The following TNNT2 variants were observed in gnomAD, a reference collection of about 807,000 sequenced individuals.
TNNT2 encodes the protein troponin T2, cardiac type, also known as troponin T, cardiac muscle.
TNNT2 carries 34 observed loss-of-function variants against 62.4 expected under a neutral mutation model. The observed-to-expected ratio is 0.54, with a 90% CI of 0.41 to 0.72. The LOEUF is 0.72. Ranked by LOEUF, TNNT2 falls within the 30% of genes least tolerant of loss-of-function variation. The probability of loss-of-function intolerance (pLI) is 0.00; values close to 1 mark genes in which losing one functional copy is unlikely to be tolerated. For synonymous variants in TNNT2, 123 were observed against 127.2 expected, an observed-to-expected ratio of 0.97 and a Z score of 0.22; for missense variants, 275 against 381.9, an observed-to-expected ratio of 0.72 and a Z score of 2.33.
chr1:201,359,299 G>T, intron 16 of TNNT2, 44 bp from the exon 17 acceptor site: 4 of 1,600,772 alleles, frequency 2.5e-6, no homozygotes, highest in Non-Finnish European at 3.4e-6. Flanking sequence ...CACAGGCAGG[G>T]TAGTAGGTCA....
intron 9 of TNNT2, 96 bp downstream of exon 9, chr1:201,365,514 T>C: frequency 7.1e-7 from 1 of 1,415,996 alleles, no homozygotes. Context: ...ATCCCACCTA[T>C]GCTCTACCCC....
At chr1:201,372,666 T>A (rs1660822449) in intron 2 of TNNT2, among the ~76,000 whole-genome samples, 1 of 152,184 alleles carries the variant, frequency 6.6e-6, no homozygotes, top group African/African-American at 2.4e-5. Flanking sequence ...AAGAGTAAGT[T>A]CTGTGAGGGC....
chr1:201,359,076 G>A lies in TNNT2; in HGVS notation c.*134C>T, dbSNP rs1471062224. ...GGTGTGGGGGCAGGCAGGAGTGGTG[G>A]CTCCCACCTAGGCCAGCTCCCCATT... On this transcript the variant is annotated 3_prime_UTR_variant, in exon 17 of 17. Transcript: ENST00000656932. The A allele has an allele frequency of 1.8e-6, 2 of 1,126,886 alleles. No homozygotes were observed. Among genetic ancestry groups the A allele is most frequent in the East Asian group, 5.1e-5 (2 of 39,024 alleles). 69.8% of individuals were successfully genotyped at this position (1,126,886 alleles called of 1,614,324 possible). A position where few individuals can be genotyped will look rare whatever the true frequency, so the allele number is the denominator to read the frequency against.
Position 201,362,385 on chromosome 1 carries a change from C to T in TNNT2, c.609+1G>A. Reference sequence around the variant, plus strand: ...GAAGGCTTGAGGTTTTTGGTACCCACCTGGGCCTGCTAAACCGGGAAACCA... The same window carrying T: ...GAAGGCTTGAGGTTTTTGGTACCCATCTGGGCCTGCTAAACCGGGAAACCA... On this transcript the variant is annotated splice_donor_variant, in intron 13 of 16. Transcript: ENST00000656932. LOFTEE classifies it high-confidence loss of function. 6.2e-7 allele frequency: 1 copy of T among 1,613,874 alleles called. No homozygotes were observed. The highest frequency in any genetic ancestry group is 8.5e-7 in the Non-Finnish European group (1 of 1,179,952).
intron 12 of TNNT2, chr1:201,363,003 G>A (rs965889512): frequency 3.6e-6 from 2 of 555,074 alleles, no homozygotes; most frequent in Non-Finnish European, 4.6e-6. Context: ...TCTTCCAGCT[G>A]CACCCAGCCT....
intron 1 of TNNT2, among the ~76,000 whole-genome samples, chr1:201,377,021 C>G (rs549402499): frequency 6.6e-6 from 1 of 152,200 alleles, no homozygotes; most frequent in African/African-American, 2.4e-5. Flanking sequence ...ATGGAATTCC[C>G]GCGTTGGCCT....
chr1:201,365,647 G>A lies in TNNT2; in HGVS notation c.257C>T (p.Pro86Leu), dbSNP rs2102265293. The change falls in exon 9 of 17, where the codon CCT (proline) becomes CTT (leucine). Residue 86 changes from proline to leucine, a missense_variant. By Grantham distance (98) the Pro-to-Leu change is moderately conservative. Coordinates refer to ENST00000656932, the MANE Select transcript of TNNT2 (RefSeq NM_001276345.2). Reference protein sequence around the residue: ...KPRSFMPNLVPPKIPDGERVD... With the variant: ...KPRSFMPNLVLPKIPDGERVD... Reference sequence around the variant, plus strand: ...TCTCTCTCCATCGGGGATCTTGGGAGGCACCAAGTTGGGCATGAACGACCT... The same window carrying A: ...TCTCTCTCCATCGGGGATCTTGGGAAGCACCAAGTTGGGCATGAACGACCT... 1 of 1,614,066 alleles carries A rather than the reference G, an allele frequency of 6.2e-7. No homozygotes were observed. The highest frequency in any genetic ancestry group is 1.1e-5 in the South Asian group (1 of 91,018).
rs111735792 is a variant in TNNT2 at position 201,359,172 on chromosome 1, C to G, written c.*38G>C. The G allele has an allele frequency of 2.8e-5, 44 of 1,597,076 alleles. 2 individuals are homozygous for G. The African/African-American group carries it at 2.8e-4, about 10-fold the overall frequency. Reference sequence around the variant, plus strand: ...GGGGAGTGCAGGCCGGAGGCAGGTGCGAGCGAGGAGCAGATCTTTGGTGAA... The same window carrying G: ...GGGGAGTGCAGGCCGGAGGCAGGTGGGAGCGAGGAGCAGATCTTTGGTGAA... On this transcript the variant is annotated 3_prime_UTR_variant, in exon 17 of 17. Transcript: ENST00000656932.
intron 10 of TNNT2, 43 bp downstream of exon 10, chr1:201,365,148 C>T (rs575962953): frequency 1.3e-6 from 2 of 1,521,066 alleles, no homozygotes; most frequent in East Asian, 4.5e-5. Flanking sequence ...GGAGGACAGA[C>T]TGGGCCATCA....
At chr1:201,362,794 G>C (rs1461471828) in intron 12 of TNNT2, among the ~76,000 whole-genome samples, 1 of 152,198 alleles carries the variant, frequency 6.6e-6, no homozygotes, top group Non-Finnish European at 1.5e-5. Context: ...TCGAGAGTGA[G>C]TTTCCAGGAA....
At chr1:201,362,466 G>A in intron 12 of TNNT2, 72 bp from the exon 13 acceptor site, 1 of 1,569,778 alleles carries the variant, frequency 6.4e-7, no homozygotes, top group Non-Finnish European at 8.7e-7. Flanking sequence ...CAGAGAGAAG[G>A]CAGGAAGACA....
At chr1:201,365,963 A>T in intron 8 of TNNT2, 1 of 1,284,572 alleles carries the variant, frequency 7.8e-7, no homozygotes, top group Non-Finnish European at 1.0e-6. Flanking sequence ...AGGTAGAATG[A>T]CTTGCTCAAA....
intron 2 of TNNT2, 131 bp from the exon 3 acceptor site, chr1:201,372,286 G>T: frequency 7.4e-7 from 1 of 1,351,746 alleles, no homozygotes; most frequent in South Asian, 1.2e-5. Context: ...TTGCCTAGTG[G>T]AGTCCACGCT....
At chr1:201,365,940 C>G (rs1659587085) in intron 8 of TNNT2, 2 of 1,311,646 alleles carry the variant, frequency 1.5e-6, no homozygotes, top group Non-Finnish European at 2.0e-6. Flanking sequence ...CTTAGGAGAA[C>G]TGAGGCTCAG....
chr1:201,371,648 G>A (rs1660616908), intron 4 of TNNT2, among the ~76,000 whole-genome samples: 1 of 152,256 alleles, frequency 6.6e-6, no homozygotes, highest in African/African-American at 2.4e-5. Flanking sequence ...GAGGAAAGAA[G>A]ACTGGCCCTA....
In TNNT2 at chr1:201,362,318, G is replaced by A. The variant is rs374006913; in HGVS notation, c.609+68C>T. On this transcript the variant is annotated intron_variant, in intron 13 of 16. Transcript: ENST00000656932. ...CTTCACTCCTCCCCTCCAGCAAGGC[G>A]CCTTCCCCTCCCAGGGAGCTCTCCA... The A allele has an allele frequency of 6.0e-4, 962 of 1,596,964 alleles. 5 individuals carry two copies. The highest frequency in any genetic ancestry group is 3.3e-3 in the Middle Eastern group (19 of 5,752).
chr1:201,361,231 G>C (rs1192219248), intron 15 of TNNT2, 48 bp downstream of exon 15: 2 of 1,572,400 alleles, frequency 1.3e-6, no homozygotes, highest in Non-Finnish European at 1.8e-6. Flanking sequence ...AGTGAACCAG[G>C]AGGAGTGTGA....
chr1:201,367,264 T>A (rs761442133), intron 7 of TNNT2: 2 of 391,860 alleles, frequency 5.1e-6, no homozygotes, highest in Admixed American at 3.8e-5. Flanking sequence ...CCCCTTGGAC[T>A]TCCCGGTGGC....
rs1312871773 is a variant in TNNT2 at position 201,366,819 on chromosome 1, C to T, written c.233+19G>A. On this transcript the variant is annotated intron_variant, in intron 8 of 16. Transcript: ENST00000656932. ...CTGAGCCTCTGCTCCCGGCTCTACC[C>T]AGGTGCCTCCCCACTCACCTGGGCT... is the stretch of plus-strand genomic sequence containing the variant. The T allele has an allele frequency of 3.1e-6, 5 of 1,614,156 alleles. No individual in the cohort carries two copies. The highest frequency in any genetic ancestry group is 3.4e-6 in the Non-Finnish European group (4 of 1,180,004).
Sources: gnomAD v4.1 joint callset for allele counts (sites outside exome capture counted in the v4.1 genomes callset) on GRCh38, gnomAD v4.1.1 for gene constraint, MANE v1.5 for transcripts, NCBI Gene and HGNC (gene_info 2026-07-23, HGNC 2026-07-21) for gene names.